The following EFCAB3 variants were observed in gnomAD, a reference collection of about 807,000 sequenced individuals.
EFCAB3 encodes EF-hand calcium-binding domain-containing protein 3.
A neutral mutation model predicts 42.2 loss-of-function variants in EFCAB3; 36 were observed. The observed-to-expected ratio is 0.85, with a 90% confidence interval of 0.65 to 1.13. The LOEUF is 1.13. Among genes scored for constraint, EFCAB3 ranks in the 50% most tolerant of loss-of-function variants. EFCAB3 has a pLI of 0.00. For missense variants in EFCAB3, 418 were observed against 505.1 expected (o/e 0.83, Z 1.65); for synonymous variants, 170 against 172.8 (o/e 0.98, Z 0.13).
intron 8 of EFCAB3, among the ~76,000 whole-genome samples, chr17:62,409,673 G>A (rs757206496): frequency 6.9e-6 from 1 of 144,292 alleles, no homozygotes; most frequent in Non-Finnish European, 1.5e-5. Flanking sequence ...TTCATAACAC[G>A]TTACCATCTA....
chr17:62,372,383 G>A (rs1374509585), intron 1 of EFCAB3, among the ~76,000 whole-genome samples: 1 of 152,084 alleles, frequency 6.6e-6, no homozygotes, highest in Non-Finnish European at 1.5e-5. Flanking sequence ...CTGGGTTCAA[G>A]CTGTCCTCCT....
intron 6 of EFCAB3, among the ~76,000 whole-genome samples, chr17:62,402,337 T>G (rs953141005): frequency 2.0e-5 from 3 of 152,056 alleles, no homozygotes; most frequent in African/African-American, 2.4e-5. Context: ...TTGAATAGGA[T>G]TGGTGAGAGA....
intron 6 of EFCAB3, among the ~76,000 whole-genome samples, chr17:62,399,125 A>G (rs1022360875): frequency 2.6e-5 from 4 of 152,000 alleles, no homozygotes; most frequent in Admixed American, 6.6e-5. Flanking sequence ...GCTGCAGATC[A>G]TATCACTCCT....
In EFCAB3 at chr17:62,407,040, G is replaced by A; in HGVS notation, c.695G>A (p.Gly232Asp). 6.3e-7 allele frequency: 1 copy of A among 1,578,218 alleles called. No individual in the cohort carries two copies. Among genetic ancestry groups the A allele is most frequent in the Admixed American group, 2.0e-5 (1 of 49,410 alleles). ...TTTATCTTTTTAGGATGCAATTCCG[G>A]TTCAGATAGCCCATATTCAAAAATA... ...FLEELKRCNS[G>D]SDSPYSKIPI... Residue 232 changes from glycine to aspartate, a missense_variant, in exon 8 of 10, where the codon GGT becomes GAT. Coordinates refer to ENST00000305286, the MANE Select transcript of EFCAB3 (RefSeq NM_173503.4).
upstream of EFCAB3, among the ~76,000 whole-genome samples, chr17:62,377,655 GT>G (rs1490615367): frequency 6.6e-6 from 1 of 152,160 alleles, no homozygotes; most frequent in Non-Finnish European, 1.5e-5. Context: ...AATGAAGTGG[GT>G]AACAGATCAT....
At chr17:62,376,835 A>T (rs561995424), upstream of EFCAB3, among the ~76,000 whole-genome samples, 9 of 152,350 alleles carry the variant, frequency 5.9e-5, no homozygotes, top group South Asian at 1.9e-3. Context: ...AAGGTTCCAC[A>T]TGAGAATTTC....
chr17:62,412,361 CAAAAAAAAAAAA>C (rs1237628464), intron 8 of EFCAB3, among the ~76,000 whole-genome samples: 1 of 65,958 alleles, frequency 1.5e-5, no homozygotes, highest in South Asian at 5.1e-4. Context: ...GACTCTGTCT[CAAAAAAAAAAAA>C]AAAAAAAAAG....
At chr17:62,379,505 C>A (rs1256962754), upstream of EFCAB3, among the ~76,000 whole-genome samples, 2 of 151,914 alleles carry the variant, frequency 1.3e-5, no homozygotes, top group Admixed American at 1.3e-4. Flanking sequence ...ATAAATTAAG[C>A]CTTCCCTTTC....
chr17:62,405,088 G>T (rs1474178909), intron 6 of EFCAB3, among the ~76,000 whole-genome samples: 1 of 152,174 alleles, frequency 6.6e-6, no homozygotes, highest in Non-Finnish European at 1.5e-5. Context: ...CCCACAATTT[G>T]TATTTTCCCA....
chr17:62,389,827 TA>T (rs1196511466), intron 3 of EFCAB3, among the ~76,000 whole-genome samples: 21 of 30,386 alleles, frequency 6.9e-4, no homozygotes, highest in Non-Finnish European at 6.7e-3. Context: ...TTTATTTATT[TA>T]TTTTTTTCTG....
upstream of EFCAB3, among the ~76,000 whole-genome samples, chr17:62,378,614 C>A (rs901085453): frequency 3.3e-5 from 5 of 152,086 alleles, no homozygotes; most frequent in Non-Finnish European, 5.9e-5. Context: ...GTGGAAGGAT[C>A]ACTTGAGCCC....
intron 8 of EFCAB3, among the ~76,000 whole-genome samples, chr17:62,410,488 T>G (rs947994282): frequency 1.3e-5 from 2 of 152,040 alleles, no homozygotes; most frequent in Admixed American, 6.6e-5. Context: ...GTATGGTAGC[T>G]CATGCCTGTA....
rs1199859389 is a variant in EFCAB3 at position 62,416,081 on chromosome 17, A to T, written c.1069A>T (p.Ile357Phe). ...RKEMLNLWQK[I>F]RGDLIGMDSR... ...AGAGATGCTAAACCTCTGGCAGAAG[A>T]TCCGAGGGGATTTGATTGGGATGGA... Residue 357 changes from isoleucine (I) to phenylalanine (F), a missense_variant, in exon 10 of 10, where the codon ATC becomes TTC. By Grantham distance (21) the Ile-to-Phe change is conservative (BLOSUM62 0). Transcript: ENST00000305286. 1.2e-6 allele frequency: 2 copies of T among 1,614,018 alleles called. No homozygotes were observed. Among genetic ancestry groups the T allele is most frequent in the Non-Finnish European group, 1.7e-6 (2 of 1,179,874 alleles).
At chr17:62,396,899 A>G (rs2070354837) in intron 6 of EFCAB3, among the ~76,000 whole-genome samples, 1 of 152,108 alleles carries the variant, frequency 6.6e-6, no homozygotes, top group African/African-American at 2.4e-5. Flanking sequence ...AATAAAAATA[A>G]AATTTTTTTA....
chr17:62,388,116 A>G (rs1344835872), intron 3 of EFCAB3, among the ~76,000 whole-genome samples: 1 of 152,106 alleles, frequency 6.6e-6, no homozygotes, highest in Non-Finnish European at 1.5e-5. Context: ...AGGCTGAGGC[A>G]GGGAGAATTG....
intron 2 of EFCAB3, among the ~76,000 whole-genome samples, chr17:62,374,918 G>T (rs2070138806): frequency 1.3e-5 from 2 of 152,128 alleles, no homozygotes; most frequent in African/African-American, 4.8e-5. Context: ...TTGGAGAGCA[G>T]CCTGGGCAAT....
At chr17:62,386,308 T>G (rs2070250576) in intron 2 of EFCAB3, among the ~76,000 whole-genome samples, 1 of 152,208 alleles carries the variant, frequency 6.6e-6, no homozygotes, top group Non-Finnish European at 1.5e-5. Context: ...ATTAATATGT[T>G]CCTGCCTTTT....
chr17:62,415,550 T>C (rs2070539365), intron 9 of EFCAB3, among the ~76,000 whole-genome samples: 1 of 152,090 alleles, frequency 6.6e-6, no homozygotes, highest in Admixed American at 6.6e-5. Flanking sequence ...TCCAGGATAT[T>C]TACTGCCTTG....
chr17:62,390,717 C>T (rs2070295903), intron 3 of EFCAB3, among the ~76,000 whole-genome samples: 1 of 152,130 alleles, frequency 6.6e-6, no homozygotes, highest in South Asian at 2.1e-4. Context: ...CCTAGAGAAG[C>T]CTACCTTTTA....
Sources: gnomAD v4.1 joint callset for allele counts (sites outside exome capture counted in the v4.1 genomes callset) on GRCh38, gnomAD v4.1.1 for gene constraint, MANE v1.5 for transcripts, NCBI Gene and HGNC (gene_info 2026-07-23, HGNC 2026-07-21) for gene names.